SLIT3: variants seen among roughly 807,000 people sequenced by gnomAD.
The protein encoded by SLIT3 is slit homolog 3 protein.
In SLIT3, 68 loss-of-function variants were observed where a neutral mutation model predicts 184.0. That is an observed-to-expected ratio of 0.37 (90% CI 0.30 to 0.45). The LOEUF (loss-of-function observed/expected upper bound fraction) is 0.45. Ranked by LOEUF, SLIT3 falls within the 20% of genes least tolerant of loss-of-function variation. SLIT3 has a pLI of 1.00. For missense variants in SLIT3, 1,707 were observed against 2,026.0 expected, an observed-to-expected ratio of 0.84 and a Z score of 3.02; for synonymous variants, 831 against 828.6, an observed-to-expected ratio of 1.00 and a Z score of -0.05.
intron 4 of SLIT3, among the ~76,000 whole-genome samples, chr5:168,922,186 G>A (rs570816595): frequency 1.4e-4 from 21 of 151,988 alleles, no homozygotes; most frequent in East Asian, 5.9e-4. Context: ...GGCCAGGTGC[G>A]GTGGCTCACA....
chr5:169,295,139 TGAC>T (rs1488531306), intron 1 of SLIT3, among the ~76,000 whole-genome samples: 1 of 152,250 alleles, frequency 6.6e-6, no homozygotes, highest in African/African-American at 2.4e-5. Flanking sequence ...GATGGCACTA[TGAC>T]ATTACAAAAG....
intron 4 of SLIT3, among the ~76,000 whole-genome samples, chr5:169,049,913 G>A (rs1458712152): frequency 6.6e-6 from 1 of 152,160 alleles, no homozygotes; most frequent in Non-Finnish European, 1.5e-5. Context: ...ATAAGCATTT[G>A]ATCTTTACTA....
intron 23 of SLIT3, among the ~76,000 whole-genome samples, chr5:168,721,513 A>C (rs1762939294): frequency 6.6e-6 from 1 of 152,188 alleles, no homozygotes; most frequent in Non-Finnish European, 1.5e-5. Flanking sequence ...TGTGTAGGAC[A>C]GGGCCAGGCA....
chr5:169,047,525 T>C (rs1757667411), intron 4 of SLIT3, among the ~76,000 whole-genome samples: 1 of 89,072 alleles, frequency 1.1e-5, no homozygotes, highest in Non-Finnish European at 2.1e-5. Flanking sequence ...GAACCTACCC[T>C]TCCATCTGGA....
intron 20 of SLIT3, among the ~76,000 whole-genome samples, chr5:168,740,784 T>A (rs978944153): frequency 1.1e-4 from 17 of 152,216 alleles, no homozygotes; most frequent in Non-Finnish European, 2.9e-5. Context: ...AGTGCTGAAG[T>A]TTACTTTATA....
intron 4 of SLIT3, among the ~76,000 whole-genome samples, chr5:168,994,966 G>T (rs1054847916): frequency 6.6e-6 from 1 of 152,044 alleles, no homozygotes; most frequent in African/African-American, 2.4e-5. Flanking sequence ...TGCATGTCTT[G>T]TCTCCTATAA....
chr5:169,035,493 C>T (rs903478642), intron 4 of SLIT3, among the ~76,000 whole-genome samples: 1 of 151,656 alleles, frequency 6.6e-6, no homozygotes, highest in East Asian at 1.9e-4. Context: ...ACTAAAAACA[C>T]AAAAAATTAG....
chr5:168,869,838 G>A (rs1759445160), intron 5 of SLIT3, among the ~76,000 whole-genome samples: 1 of 152,220 alleles, frequency 6.6e-6, no homozygotes, highest in African/African-American at 2.4e-5. Flanking sequence ...ACGGATCATT[G>A]GCATTTAAAA....
chr5:168,683,898 G>A (rs1761666233), intron 32 of SLIT3, 68 bp downstream of exon 32: 1 of 1,360,752 alleles, frequency 7.3e-7, no homozygotes, highest in African/African-American at 1.5e-5. Flanking sequence ...CCCCTTCTGA[G>A]TTGCAGGCCC....
intron 4 of SLIT3, among the ~76,000 whole-genome samples, chr5:169,135,049 C>T (rs1378845966): frequency 2.0e-5 from 3 of 152,336 alleles, no homozygotes; most frequent in East Asian, 3.9e-4. Context: ...CACTTCCCTT[C>T]ACCACGCATC....
chr5:168,833,492 T>C (rs1757945109), intron 6 of SLIT3, among the ~76,000 whole-genome samples: 1 of 152,212 alleles, frequency 6.6e-6, no homozygotes, highest in Admixed American at 6.5e-5. Context: ...TCTTCCAGAC[T>C]GCCATCTGAC....
chr5:168,948,854 T>C (rs183129815), intron 4 of SLIT3, among the ~76,000 whole-genome samples: 2 of 152,314 alleles, frequency 1.3e-5, no homozygotes, highest in African/African-American at 4.8e-5. Flanking sequence ...TTGGAAATCA[T>C]TGGTGGGGAC....
In SLIT3 at chr5:168,661,823, A is replaced by G. The variant is rs763037680; in HGVS notation, c.*4631T>C. The G allele has an allele frequency of 3.3e-5, 5 of 152,208 alleles. No individual in the cohort carries two copies. Among genetic ancestry groups the G allele is most frequent in the Non-Finnish European group, 7.3e-5 (5 of 68,042 alleles). 9.4% of individuals were successfully genotyped at this position (152,208 alleles called of 1,614,324 possible). On this transcript the variant is annotated 3_prime_UTR_variant, in exon 36 of 36. Coordinates refer to ENST00000519560, the MANE Select transcript of SLIT3 (RefSeq NM_003062.4). ...TAATGACATCTGAATATGACAGTAT[A>G]TTGAAAAAAGAATGCATGTTATTTA...
intron 3 of SLIT3, among the ~76,000 whole-genome samples, chr5:169,239,514 A>G (rs941809247): frequency 1.3e-5 from 2 of 152,056 alleles, no homozygotes; most frequent in Non-Finnish European, 1.5e-5. Flanking sequence ...CAGATTTTCT[A>G]TTCCTTCCTG....
At chr5:168,749,331 C>G in intron 19 of SLIT3, 141 bp downstream of exon 19, 1 of 917,170 alleles carries the variant, frequency 1.1e-6, no homozygotes, top group South Asian at 1.6e-5. Flanking sequence ...AGTAGCAGAT[C>G]TGCAGAGCTC....
intron 34 of SLIT3, 61 bp from the exon 35 acceptor site, chr5:168,670,052 C>G: frequency 7.0e-7 from 1 of 1,427,318 alleles, no homozygotes; most frequent in Non-Finnish European, 9.8e-7. Context: ...CTGGGGACTC[C>G]CTCTGTCCAC....
intron 3 of SLIT3, among the ~76,000 whole-genome samples, chr5:169,231,274 T>C (rs1764992094): frequency 6.6e-6 from 1 of 152,190 alleles, no homozygotes; most frequent in Admixed American, 6.5e-5. Context: ...GCCTGAAGCA[T>C]GTTCACCAAC....
At chr5:168,852,161 C>T (rs558214962) in intron 5 of SLIT3, among the ~76,000 whole-genome samples, 6 of 152,272 alleles carry the variant, frequency 3.9e-5, no homozygotes, top group Admixed American at 1.3e-4. Context: ...CACTCTTGAG[C>T]GATAACCATC....
Position 169,300,027 on chromosome 5 carries a change from G to T in SLIT3, c.197+486C>A, listed in dbSNP as rs1581153616. On this transcript the variant is annotated intron_variant, in intron 1 of 35. Transcript: ENST00000519560. The surrounding 1 kb of genome is among the most constrained non-coding windows in gnomAD (Gnocchi z 4.1). ...TTCACCCACACTCTCAACTTTCCTTGCAAGGGCAGCCAGAGAGCGGCTGGC... is the reference window on the plus strand; with the variant it reads ...TTCACCCACACTCTCAACTTTCCTTTCAAGGGCAGCCAGAGAGCGGCTGGC... Among the ~76,000 whole-genome samples, 1 of 152,196 alleles carries T rather than the reference G, an allele frequency of 6.6e-6. No individual in the cohort carries two copies. The highest frequency in any genetic ancestry group is 6.5e-5 in the Admixed American group (1 of 15,286).
Sources: allele counts gnomAD v4.1 joint callset (sites outside exome capture counted in the v4.1 genomes callset), GRCh38; gene constraint gnomAD v4.1.1; non-coding constraint Gnocchi (gnomAD v3.1); transcripts MANE v1.5; gene names NCBI Gene and HGNC (gene_info 2026-07-23, HGNC 2026-07-21).